HHIPL1: variants seen among roughly 807,000 people sequenced by gnomAD.
HHIPL1 encodes HHIP like 1, also known as HHIP-like protein 1.
In HHIPL1, 43 loss-of-function variants were observed where a neutral mutation model predicts 61.8. The observed-to-expected ratio is 0.70, with a 90% confidence interval of 0.55 to 0.90. The LOEUF (loss-of-function observed/expected upper bound fraction) is 0.90, where lower values mean the gene tolerates loss of function less well. HHIPL1 is among the 40% of genes least tolerant of loss of function. The pLI is 0.00. For synonymous variants in HHIPL1, 482 were observed against 515.8 expected, an observed-to-expected ratio of 0.93 and a Z score of 0.89; for missense variants, 1,056 against 1,157.7, an observed-to-expected ratio of 0.91 and a Z score of 1.28.
intron 6 of HHIPL1, among the ~76,000 whole-genome samples, chr14:99,665,000 C>T (rs1347936110): frequency 6.6e-6 from 1 of 151,462 alleles, no homozygotes; most frequent in African/African-American, 2.4e-5. Flanking sequence ...CTGCAACCTG[C>T]AACCTCCACC....
chr14:99,668,226 G>A lies in HHIPL1; in HGVS notation c.1653G>A (p.Glu551=). The change falls in exon 7 of 9, where the codon GAG becomes GAA. Residue 551 remains glutamate, a synonymous_variant. Coordinates refer to ENST00000330710, the MANE Select transcript of HHIPL1 (RefSeq NM_001127258.3). This position sits in a 1 kb window ranked among gnomAD's most constrained non-coding sequence, Gnocchi z 4.7. ...GTCACTTTGTTCTGTCCAAAGGGGA[G>A]CTGTACTTCATGTCGACAGGGGAGC... ...IISFGEDEAG[E]LYFMSTGEPS... is the part of the protein sequence containing the mutation. The A allele has an allele frequency of 6.2e-7, 1 of 1,605,274 alleles. No homozygotes were observed. Among genetic ancestry groups the A allele is most frequent in the Non-Finnish European group, 8.5e-7 (1 of 1,172,004 alleles).
rs1229813041 is a variant in HHIPL1, at chr14:99,680,080, G to A, written c.*4454G>A. 6.6e-6 allele frequency: 1 copy of A among 152,130 alleles called. No homozygotes were observed. The highest frequency in any genetic ancestry group is 1.5e-5 in the Non-Finnish European group (1 of 68,032). 9.4% of individuals were successfully genotyped at this position (152,130 alleles called of 1,614,324 possible). On this transcript the variant is annotated 3_prime_UTR_variant, in exon 9 of 9. Coordinates refer to ENST00000330710, the MANE Select transcript of HHIPL1 (RefSeq NM_001127258.3). ...ACTGTCCCTGTTTTCCAGATGAGGG[G>A]ACAGATTCCTAGGGTGTTATGTAAG...
chr14:99,632,354 G>T, the HHIPL1 span, among the ~76,000 whole-genome samples: 1 of 152,142 alleles, frequency 6.6e-6, no homozygotes, highest in African/African-American at 2.4e-5. Context: ...CTCCCTCTGG[G>T]GGAAACCCAA....
chr14:99,624,565 T>C, the HHIPL1 span, among the ~76,000 whole-genome samples: 1 of 152,126 alleles, frequency 6.6e-6, no homozygotes, highest in African/African-American at 2.4e-5. Context: ...AGGAGTGGGA[T>C]CCAGCTCCCT....
intron 6 of HHIPL1, among the ~76,000 whole-genome samples, chr14:99,667,895 G>A (rs2056271577): frequency 2.6e-5 from 4 of 152,216 alleles, no homozygotes; most frequent in Admixed American, 2.0e-4. Flanking sequence ...GTGGGGCTGG[G>A]CATGAAACCC....
chr14:99,639,176 A>G, the HHIPL1 span, among the ~76,000 whole-genome samples: 1 of 152,210 alleles, frequency 6.6e-6, no homozygotes, highest in Admixed American at 6.5e-5. Flanking sequence ...TGGCTTCTAT[A>G]TCACTATGGT....
chr14:99,607,284 A>G, the HHIPL1 span, among the ~76,000 whole-genome samples: 2 of 151,830 alleles, frequency 1.3e-5, no homozygotes, highest in East Asian at 3.9e-4. Flanking sequence ...AAGCAATCCA[A>G]TTCTCCTGCC....
chr14:99,624,931 A>G, the HHIPL1 span: 1 of 152,252 alleles, frequency 6.6e-6, no homozygotes, highest in African/African-American at 2.4e-5. Flanking sequence ...GCTGAGAGTC[A>G]TCTGGAGAAA....
At chr14:99,619,785 G>C in the HHIPL1 span, among the ~76,000 whole-genome samples, 1 of 151,510 alleles carries the variant, frequency 6.6e-6, no homozygotes, top group Non-Finnish European at 1.5e-5. Flanking sequence ...GTGCGTGGCT[G>C]TTCCCGCTGC....
At chr14:99,631,788 T>C in the HHIPL1 span, among the ~76,000 whole-genome samples, 1 of 152,310 alleles carries the variant, frequency 6.6e-6, no homozygotes, top group Non-Finnish European at 1.5e-5. Flanking sequence ...AGCCTTCAAC[T>C]CTGCCCTATC....
chr14:99,618,529 T>C, the HHIPL1 span, among the ~76,000 whole-genome samples: 1 of 152,218 alleles, frequency 6.6e-6, no homozygotes, highest in East Asian at 1.9e-4. Context: ...AAGTCCCGCT[T>C]GTAGCCTGAT....
the HHIPL1 span, among the ~76,000 whole-genome samples, chr14:99,633,513 G>A: frequency 6.6e-6 from 1 of 152,226 alleles, no homozygotes; most frequent in African/African-American, 2.4e-5. Context: ...GGAGGGATGA[G>A]CCAGGTCTGG....
At chr14:99,626,644 G>A in the HHIPL1 span, among the ~76,000 whole-genome samples, 2 of 152,208 alleles carry the variant, frequency 1.3e-5, no homozygotes, top group Non-Finnish European at 2.9e-5. Flanking sequence ...AAGGGCTGGG[G>A]TAATTTCTTT....
chr14:99,661,725 A>G (rs773600410), intron 5 of HHIPL1, among the ~76,000 whole-genome samples: 25 of 152,202 alleles, frequency 1.6e-4, no homozygotes, highest in Admixed American at 3.3e-4. Context: ...TTGGCCTCCC[A>G]AAGTGCTGGG....
intron 6 of HHIPL1, among the ~76,000 whole-genome samples, chr14:99,664,365 C>A (rs2140084059): frequency 6.6e-6 from 1 of 152,340 alleles, no homozygotes; most frequent in African/African-American, 2.4e-5. Context: ...CCCTTGAAAG[C>A]CCTTTCTTTT....
rs2056381653 is a variant in HHIPL1 at position 99,675,558 on chromosome 14, G to A, written c.2281G>A (p.Gly761Ser). The A allele has an allele frequency of 1.3e-6, 2 of 1,538,922 alleles. No homozygotes were observed. The highest frequency in any genetic ancestry group is 2.7e-5 in the African/African-American group (2 of 72,934). ...NLLECQHNGV[G>S]THNCEHDEDA... Reference sequence around the variant, plus strand: ...GCTGGAGTGCCAGCACAACGGCGTGGGCACCCACAACTGCGAGCACGACGA... The same window carrying A: ...GCTGGAGTGCCAGCACAACGGCGTGAGCACCCACAACTGCGAGCACGACGA... Residue 761 changes from glycine (G) to serine (S), a missense_variant, in exon 9 of 9, where the codon GGC becomes AGC. By Grantham distance (56) the Gly-to-Ser change is moderately conservative. Coordinates refer to ENST00000330710, the MANE Select transcript of HHIPL1 (RefSeq NM_001127258.3). The surrounding 1 kb of genome is among the most constrained non-coding windows in gnomAD (Gnocchi z 5.4).
chr14:99,628,812 C>CATAG, the HHIPL1 span, among the ~76,000 whole-genome samples: 1 of 152,142 alleles, frequency 6.6e-6, no homozygotes, highest in Non-Finnish European at 1.5e-5. Context: ...TCTCGGGCCT[C>CATAG]AGTTTCCCTG....
At chr14:99,620,245 C>T in the HHIPL1 span, among the ~76,000 whole-genome samples, 1 of 152,212 alleles carries the variant, frequency 6.6e-6, no homozygotes, top group Admixed American at 6.5e-5. Context: ...TCAGGTCTGT[C>T]AGCAGCTTTG....
At chr14:99,664,783 A>G (rs1228217129) in intron 6 of HHIPL1, among the ~76,000 whole-genome samples, 2 of 152,152 alleles carry the variant, frequency 1.3e-5, no homozygotes, top group Non-Finnish European at 2.9e-5. Flanking sequence ...CTGAAAGTTC[A>G]TGGAAAACCA....
Sources: gnomAD v4.1 joint callset for allele counts (sites outside exome capture counted in the v4.1 genomes callset) on GRCh38, gnomAD v4.1.1 for gene constraint, Gnocchi (gnomAD v3.1) non-coding constraint, MANE v1.5 for transcripts, NCBI Gene and HGNC (gene_info 2026-07-23, HGNC 2026-07-21) for gene names.